The following FSIP2 variants were observed in gnomAD, a reference collection of about 807,000 sequenced individuals.
The protein encoded by FSIP2 is fibrous sheath-interacting protein 2.
FSIP2 carries 367 observed loss-of-function variants against 510.5 expected under a neutral mutation model. The observed-to-expected ratio is 0.72, with a 90% CI of 0.66 to 0.78. The LOEUF (loss-of-function observed/expected upper bound fraction) is 0.78. FSIP2 is among the 30% of genes least tolerant of loss of function. The pLI, the probability that FSIP2 is intolerant of heterozygous loss-of-function variation, is 0.00. For synonymous variants in FSIP2, 2,601 were observed against 2,732.2 expected, an observed-to-expected ratio of 0.95 and a Z score of 1.50; for missense variants, 7,594 against 7,901.7, an observed-to-expected ratio of 0.96 and a Z score of 1.48.
Position 185,803,548 on chromosome 2 carries a change from A to AT in FSIP2, c.14243dup (p.Ala4749SerfsTer6), listed in dbSNP as rs1427742289. 6.5e-7 allele frequency: 1 copy of AT among 1,533,124 alleles called. No homozygotes were observed. Among genetic ancestry groups the AT allele is most frequent in the Admixed American group, 2.0e-5 (1 of 50,806 alleles). 95.0% of individuals were successfully genotyped at this position (1,533,124 alleles called of 1,614,324 possible). On this transcript the variant is annotated frameshift_variant, in exon 17 of 23. Transcript: ENST00000424728. LOFTEE classifies it high-confidence loss of function. Reference sequence around the variant, plus strand: ...TGATTTCCAAATTCATCCAGATCTTATAGCAAATCTGCCTTTTAAATCACA... The same window carrying AT: ...TGATTTCCAAATTCATCCAGATCTTATTAGCAAATCTGCCTTTTAAATCACA...
At position 185,745,546 on chromosome 2, in the gene FSIP2, C is replaced by A. The variant is rs1308129501; in HGVS notation, c.595C>A (p.Gln199Lys). 3.3e-6 allele frequency: 5 copies of A among 1,534,496 alleles called. No individual in the cohort carries two copies. In the South Asian group the frequency reaches 6.0e-5, roughly 18 times the overall value. Residue 199 changes from glutamine (Q) to lysine (K), a missense_variant, in exon 5 of 23, where the codon CAG (glutamine) becomes AAG (lysine). Gln to Lys is a moderately conservative substitution (Grantham distance 53). Transcript: ENST00000424728. ...LKEGTESIKDQERLMRHRYLD... is the reference protein window; with the variant it reads ...LKEGTESIKDKERLMRHRYLD... Reference sequence around the variant, plus strand: ...GGAGGGCACTGAATCTATTAAGGACCAGGAGCGGCTGATGAGGCATAGGTA... The same window carrying A: ...GGAGGGCACTGAATCTATTAAGGACAAGGAGCGGCTGATGAGGCATAGGTA...
In FSIP2 at chr2:185,805,673, A is replaced by C; in HGVS notation, c.16367A>C (p.Lys5456Thr). Residue 5456 changes from lysine (K) to threonine (T), a missense_variant, in exon 17 of 23, where the codon AAA (lysine) becomes ACA (threonine). Lys to Thr is a moderately conservative substitution (Grantham distance 78). Coordinates refer to ENST00000424728, the MANE Select transcript of FSIP2 (RefSeq NM_173651.4). The stretch of plus-strand genomic sequence containing the variant: ...GATACTTCTTCCACCCCAGATTGCA[A>C]AAACATGATGAGCACTTTGGAAATA... ...YKDTSSTPDC[K>T]NMMSTLEINR... The C allele has an allele frequency of 3.1e-6, 5 of 1,611,008 alleles. No individual in the cohort carries two copies. The highest frequency in any genetic ancestry group is 4.2e-6 in the Non-Finnish European group (5 of 1,178,558).
rs1693378261 is a variant in FSIP2 at position 185,799,701 on chromosome 2, T to C, written c.10395T>C (p.Phe3465=). 5.5e-6 allele frequency: 7 copies of C among 1,280,738 alleles called. No homozygotes were observed. Among genetic ancestry groups the C allele is most frequent in the Non-Finnish European group, 2.1e-6 (2 of 970,712 alleles). 79.3% of individuals were successfully genotyped at this position (1,280,738 alleles called of 1,614,324 possible). The change falls in exon 17 of 23, where the codon TTT becomes TTC. Residue 3465 remains phenylalanine (F), a synonymous_variant. Coordinates refer to ENST00000424728, the MANE Select transcript of FSIP2 (RefSeq NM_173651.4). ...TACAATGTTTCCTTTTTTAAGTTTTTAGTGAGGAAAAGATGTCTGTTTCTA... is the reference window on the plus strand; with the variant it reads ...TACAATGTTTCCTTTTTTAAGTTTTCAGTGAGGAAAAGATGTCTGTTTCTA... ...TYLKNFETTV[F]SEEKMSVSTW... is the part of the protein sequence containing the mutation.
chr2:185,788,796 G>T lies in FSIP2; in HGVS notation c.1660G>T (p.Asp554Tyr). ...PVSDDSILSS[D>Y]SSSFCSTCSE... ...ATCTGATGACTCCATCCTCTCTTCA[G>T]ATAGTTCAAGTTTCTGTAGCACGTG... Residue 554 changes from aspartate (D) to tyrosine (Y), a missense_variant, in exon 16 of 23, where the codon GAT becomes TAT. Transcript: ENST00000424728. 2 of 1,531,932 alleles carry T rather than the reference G, an allele frequency of 1.3e-6. No individual in the cohort carries two copies. Among genetic ancestry groups the T allele is most frequent in the Non-Finnish European group, 1.7e-6 (2 of 1,143,998 alleles). The allele number at this position is 1,531,932 out of a possible 1,614,324, so 94.9% of individuals were successfully genotyped here. A position where few individuals can be genotyped will look rare whatever the true frequency, so the allele number is the denominator to read the frequency against.
Position 185,796,399 on chromosome 2 carries a change from A to G in FSIP2, c.9263A>G (p.Asp3088Gly). The part of the protein sequence containing the change: ...LLTYAVNIIS[D>G]MLAVIKNKLD... ...ACATATGCTGTTAATATCATCAGTG[A>G]CATGCTTGCTGTAATTAAGAACAAG... Residue 3088 changes from aspartate (D) to glycine (G), a missense_variant, in exon 16 of 23, where the codon GAC becomes GGC. Coordinates refer to ENST00000424728, the MANE Select transcript of FSIP2 (RefSeq NM_173651.4). 2 of 1,533,820 alleles carry G rather than the reference A, an allele frequency of 1.3e-6. No homozygotes were observed. The highest frequency in any genetic ancestry group is 1.7e-6 in the Non-Finnish European group (2 of 1,145,270).
chr2:185,795,420 G>A lies in FSIP2; in HGVS notation c.8284G>A (p.Ala2762Thr), dbSNP rs1266623886. 2 of 1,534,722 alleles carry A rather than the reference G, an allele frequency of 1.3e-6. No homozygotes were observed. Among genetic ancestry groups the A allele is most frequent in the Non-Finnish European group, 1.7e-6 (2 of 1,146,006 alleles). ...KEFGKVKQTK[A>T]LPSDQIIAAG... is the part of the protein sequence containing the mutation. ...ATTTGGAAAGGTAAAGCAAACCAAA[G>A]CTTTACCATCTGATCAAATCATAGC... is the stretch of plus-strand genomic sequence containing the variant. Residue 2762 changes from alanine to threonine, a missense_variant, in exon 16 of 23, where the codon GCT becomes ACT. Transcript: ENST00000424728.
Position 185,791,940 on chromosome 2 carries a change from G to T in FSIP2, c.4804G>T (p.Glu1602Ter). The T allele has an allele frequency of 6.5e-7, 1 of 1,533,862 alleles. No homozygotes were observed. Among genetic ancestry groups the T allele is most frequent in the Non-Finnish European group, 8.7e-7 (1 of 1,145,360 alleles). ...GGAAGGGTTTGCCAACGGACATTTA[G>T]AAATTTTGGGTGCTATTAATGATGG... ...KLEGFANGHL[E>*]ILGAINDGNK... is the part of the protein sequence containing the mutation. The change falls in exon 16 of 23, where the codon GAA becomes TAA. Residue 1602 changes from glutamate to a stop codon, truncating the protein, a stop_gained. Transcript: ENST00000424728. LOFTEE classifies it high-confidence loss of function.
intron 9 of FSIP2, among the ~76,000 whole-genome samples, chr2:185,759,443 ATATT>A (rs879428289): frequency 6.9e-6 from 1 of 144,660 alleles, no homozygotes; most frequent in Non-Finnish European, 1.5e-5. Flanking sequence ...TAATATACTT[ATATT>A]TATTAAAATT....
In FSIP2 at chr2:185,796,094, C is replaced by T. The variant is rs538332135; in HGVS notation, c.8958C>T (p.Asn2986=). 1.2e-5 allele frequency: 18 copies of T among 1,533,532 alleles called. No homozygotes were observed. The Middle Eastern group carries it at 2.0e-3, about 171-fold the overall frequency. 95.0% of individuals were successfully genotyped at this position (1,533,532 alleles called of 1,614,324 possible). ...ACCAAATTTCTGTGGGCTCCAGCAA[C>T]CAAATTGTTCAAGAGATTGTAGAAA... The part of the protein sequence containing the change: ...TKDQISVGSS[N]QIVQEIVETV... The change falls in exon 16 of 23, where the codon AAC becomes AAT. Residue 2986 remains asparagine (N), a synonymous_variant. Transcript: ENST00000424728.
At chr2:185,759,642 T>C (rs1197936550) in intron 9 of FSIP2, among the ~76,000 whole-genome samples, 1 of 146,112 alleles carries the variant, frequency 6.8e-6, no homozygotes, top group Non-Finnish European at 1.5e-5. Context: ...ATAATATTGT[T>C]ATATATTATA....
intron 9 of FSIP2, among the ~76,000 whole-genome samples, chr2:185,757,776 G>A (rs1163921777): frequency 1.3e-5 from 2 of 151,254 alleles, no homozygotes; most frequent in African/African-American, 4.8e-5. Context: ...TCCCAGAAAA[G>A]ATCTCAAGGC....
In FSIP2 at chr2:185,806,064, T is replaced by C. The variant is rs1247053261; in HGVS notation, c.16758T>C (p.Phe5586=). The change falls in exon 17 of 23, where the codon TTT becomes TTC. Residue 5586 remains phenylalanine (F), a synonymous_variant. Coordinates refer to ENST00000424728, the MANE Select transcript of FSIP2 (RefSeq NM_173651.4). ...KGKDDEIYTH[F]SLIIDDTEYE... ...AAGATGATGAGATATACACACATTT[T>C]TCATTAATAATTGATGATACAGAAT... is the stretch of plus-strand genomic sequence containing the variant. 1 of 1,563,672 alleles carries C rather than the reference T, an allele frequency of 6.4e-7. No homozygotes were observed. The highest frequency in any genetic ancestry group is 2.2e-5 in the East Asian group (1 of 44,558).
At chr2:185,762,652 G>C (rs1462909117) in intron 11 of FSIP2, among the ~76,000 whole-genome samples, 3 of 151,232 alleles carry the variant, frequency 2.0e-5, no homozygotes, top group Non-Finnish European at 4.4e-5. Context: ...CACATTTTCT[G>C]CCTATTCTAC....
chr2:185,806,538 C>A lies in FSIP2; in HGVS notation c.17232C>A (p.Ala5744=), dbSNP rs1184314790. 4.4e-6 allele frequency: 7 copies of A among 1,597,626 alleles called. No homozygotes were observed. The African/African-American group carries it at 9.6e-5, about 22-fold the overall frequency. The change falls in exon 17 of 23, where the codon GCC becomes GCA. Residue 5744 remains alanine (A), a synonymous_variant. Coordinates refer to ENST00000424728, the MANE Select transcript of FSIP2 (RefSeq NM_173651.4). ...VSSSTNKNIS[A]KEKEEEEREK... The stretch of plus-strand genomic sequence containing the variant: ...CCTCAACTAACAAAAATATCTCTGC[C>A]AAAGAAAAAGAAGAGGAAGAGAGAG...
chr2:185,805,520 C>T lies in FSIP2; in HGVS notation c.16214C>T (p.Thr5405Ile). The T allele has an allele frequency of 1.2e-6, 2 of 1,611,574 alleles. No individual in the cohort carries two copies. The highest frequency in any genetic ancestry group is 8.5e-7 in the Non-Finnish European group (1 of 1,178,462). Residue 5405 changes from threonine to isoleucine, a missense_variant, in exon 17 of 23, where the codon ACC becomes ATC. Transcript: ENST00000424728. ...QPLFSGDWSS[T>I]FFSFLNPDNI... Reference sequence around the variant, plus strand: ...CTTTTTTCAGGAGACTGGTCTTCCACCTTCTTTTCATTTCTAAATCCAGAT... The same window carrying T: ...CTTTTTTCAGGAGACTGGTCTTCCATCTTCTTTTCATTTCTAAATCCAGAT...
At chr2:185,819,748 A>T (rs971204788) in intron 19 of FSIP2, among the ~76,000 whole-genome samples, 9 of 151,904 alleles carry the variant, frequency 5.9e-5, no homozygotes, top group Non-Finnish European at 5.9e-5. Flanking sequence ...GCCAAACTGT[A>T]GGCTAGTGTA....
chr2:185,765,464 C>T (rs991414602), intron 13 of FSIP2: 27 of 151,606 alleles, frequency 1.8e-4, no homozygotes, highest in African/African-American at 1.2e-4. Context: ...AGATATGCGG[C>T]GTTATTTCTG....
At chr2:185,786,159 C>T (rs1692968413) in intron 14 of FSIP2, 93 bp from the exon 15 acceptor site, 5 of 798,006 alleles carry the variant, frequency 6.3e-6, no homozygotes, top group African/African-American at 3.5e-5. Flanking sequence ...ATCTTAGATA[C>T]AACAAAATGA....
Position 185,833,183 on chromosome 2 carries a change from A to G in FSIP2, c.20681A>G (p.Asn6894Ser). ...LSKVFSQCNT[N>S]ISRSSSPAHQ... is the part of the protein sequence containing the mutation. ...AAGGTGTTTTCTCAATGTAACACCA[A>G]TATTTCCAGATCTTCCTCACCAGCT... The change falls in exon 23 of 23, where the codon AAT becomes AGT. Residue 6894 changes from asparagine (N) to serine (S), a missense_variant. Coordinates refer to ENST00000424728, the MANE Select transcript of FSIP2 (RefSeq NM_173651.4). The G allele has an allele frequency of 1.2e-6, 2 of 1,611,028 alleles. No homozygotes were observed. The highest frequency in any genetic ancestry group is 1.1e-5 in the South Asian group (1 of 90,880).
Sources: allele counts gnomAD v4.1 joint callset (sites outside exome capture counted in the v4.1 genomes callset), GRCh38; gene constraint gnomAD v4.1.1; transcripts MANE v1.5; gene names NCBI Gene and HGNC (gene_info 2026-07-23, HGNC 2026-07-21).